The following CNTLN variants were observed in gnomAD, a reference collection of about 807,000 sequenced individuals.
The protein encoded by CNTLN is centlein, centrosomal protein.
In CNTLN, 212 loss-of-function variants were observed where a neutral mutation model predicts 180.0. The ratio of observed to expected loss-of-function variants is 1.18; its 90% CI spans 1.05 to 1.32. The LOEUF (loss-of-function observed/expected upper bound fraction) is 1.32, where lower values mean the gene tolerates loss of function less well. Ranked by LOEUF, CNTLN falls within the 40% of genes most tolerant of loss-of-function variation. The probability of loss-of-function intolerance (pLI) is 0.00; values close to 1 mark genes in which losing one functional copy is unlikely to be tolerated. For missense variants in CNTLN, 2,095 were observed against 1,610.9 expected, an observed-to-expected ratio of 1.30 and a Z score of -5.14; for synonymous variants, 722 against 563.1, an observed-to-expected ratio of 1.28 and a Z score of -3.99.
At position 17,430,976 on chromosome 9, in the gene CNTLN, C is replaced by T. The variant is rs189159352; in HGVS notation, c.3114+14787C>T. ...TGTTGTTGGATAACTAGATTGATTC[C>T]GTGTCTTGGCTGTTGTGAATAATGC... On this transcript the variant is annotated intron_variant, in intron 18 of 25. Transcript: ENST00000380647. Among the ~76,000 whole-genome samples the T allele has an allele frequency of 1.1e-3, 169 of 152,100 alleles. 2 individuals are homozygous for T. The highest frequency in any genetic ancestry group is 3.8e-3 in the Admixed American group (58 of 15,284).
chr9:17,160,812 T>G (rs774628420), intron 2 of CNTLN, among the ~76,000 whole-genome samples: 54 of 152,182 alleles, frequency 3.5e-4, no homozygotes, highest in Non-Finnish European at 6.5e-4. Context: ...ATACCTCATG[T>G]TGCAAAGTAA....
At chr9:17,230,332 C>G (rs533046091) in intron 3 of CNTLN, among the ~76,000 whole-genome samples, 1 of 152,228 alleles carries the variant, frequency 6.6e-6, no homozygotes, top group East Asian at 1.9e-4. Context: ...GCTATTTAAA[C>G]TGCTTTGTTT....
intron 5 of CNTLN, among the ~76,000 whole-genome samples, chr9:17,268,691 C>G (rs564683875): frequency 1.5e-4 from 23 of 152,270 alleles, no homozygotes; most frequent in South Asian, 6.2e-4. Context: ...GGGCTCCACC[C>G]AGTTCCAGCT....
Position 17,416,153 on chromosome 9 carries a change from C to A in CNTLN, c.3078C>A (p.Ser1026=). ...AGCTCCTCCATCAACAGCAAGTATCCGATCAACGATTTCAGACAAGCAGGC... is the reference window on the plus strand; with the variant it reads ...AGCTCCTCCATCAACAGCAAGTATCAGATCAACGATTTCAGACAAGCAGGC... ...NEKLLHQQQV[S]DQRFQTSRQT... Residue 1026 remains serine (S), a synonymous_variant, in exon 18 of 26, where the codon TCC becomes TCA. Coordinates refer to ENST00000380647, the MANE Select transcript of CNTLN (RefSeq NM_017738.4). 6.2e-7 allele frequency: 1 copy of A among 1,613,154 alleles called. No individual in the cohort carries two copies. The highest frequency in any genetic ancestry group is 8.5e-7 in the Non-Finnish European group (1 of 1,179,598).
At chr9:17,321,245 G>A (rs1819888276) in intron 8 of CNTLN, among the ~76,000 whole-genome samples, 1 of 152,152 alleles carries the variant, frequency 6.6e-6, no homozygotes, top group Non-Finnish European at 1.5e-5. Context: ...ATACTTTCTA[G>A]ACCTTGTAGA....
the CNTLN span, among the ~76,000 whole-genome samples, chr9:17,513,527 CTGTACAAAAAA>C: frequency 1.3e-5 from 2 of 151,986 alleles, no homozygotes; most frequent in Non-Finnish European, 2.9e-5. Flanking sequence ...GAAACCCCTT[CTGTACAAAAAA>C]TACAAAAAAC....
At chr9:17,169,707 C>T (rs771590710) in intron 2 of CNTLN, among the ~76,000 whole-genome samples, 44 of 151,828 alleles carry the variant, frequency 2.9e-4, no homozygotes, top group African/African-American at 4.6e-4. Flanking sequence ...GCTAGTTGAC[C>T]ATTTGTGTAT....
At chr9:17,465,090 G>A (rs149857554) in intron 21 of CNTLN, among the ~76,000 whole-genome samples, 214 of 149,740 alleles carry the variant, frequency 1.4e-3, no homozygotes, top group African/African-American at 4.4e-3. Flanking sequence ...AAGTAGTTAC[G>A]TAATATATGA....
At position 17,337,321 on chromosome 9, in the gene CNTLN, CCATTTGTCAATTTT is replaced by C. The variant is rs532551351; in HGVS notation, c.1645-3505_1645-3492del. ...AAAAGCTCTTTAGTTTTATTAGATC[CCATTTGTCAATTTT>C]GGCTTTTGTTGCCATTGCTTTTGGT... On this transcript the variant is annotated intron_variant, in intron 10 of 25. Transcript: ENST00000380647. 8.5e-3 allele frequency among the ~76,000 whole-genome samples: 1,286 copies of C among 152,148 alleles called. 9 individuals are homozygous for C. The highest frequency in any genetic ancestry group is 0.029 in the African/African-American group (1,222 of 41,510).
At chr9:17,324,502 T>G (rs545888843) in intron 8 of CNTLN, among the ~76,000 whole-genome samples, 1 of 152,186 alleles carries the variant, frequency 6.6e-6, no homozygotes, top group African/African-American at 2.4e-5. Context: ...TGTGGAGTTA[T>G]TCTAAACCCT....
chr9:17,450,104 C>T (rs7026207), intron 18 of CNTLN, among the ~76,000 whole-genome samples: 6,621 of 152,214 alleles, frequency 0.043, 488 homozygotes, highest in African/African-American at 0.15. Flanking sequence ...TATCCATATG[C>T]AGATATCCAT....
intron 5 of CNTLN, among the ~76,000 whole-genome samples, chr9:17,261,295 C>G (rs113948804): frequency 6.6e-6 from 1 of 151,426 alleles, no homozygotes. Context: ...TTGATTCTTC[C>G]AATCCATGAG....
chr9:17,324,394 AAG>A (rs1467811962), intron 8 of CNTLN, among the ~76,000 whole-genome samples: 1 of 152,202 alleles, frequency 6.6e-6, no homozygotes, highest in Non-Finnish European at 1.5e-5. Context: ...TTAAGATAAA[AAG>A]AAATTTATAG....
chr9:17,334,910 TAAAAAAAAAAAAA>T, intron 10 of CNTLN, among the ~76,000 whole-genome samples: 1 of 122,590 alleles, frequency 8.2e-6, no homozygotes, highest in Middle Eastern at 4.5e-3. Context: ...AATCTAAAAT[TAAAAAAAAAAAAA>T]AAAAAAAAGA....
intron 15 of CNTLN, among the ~76,000 whole-genome samples, chr9:17,400,514 T>C (rs1452155364): frequency 6.6e-6 from 1 of 152,184 alleles, no homozygotes; most frequent in Non-Finnish European, 1.5e-5. Context: ...GTTCAAATCC[T>C]AACTCTCATC....
intron 2 of CNTLN, among the ~76,000 whole-genome samples, chr9:17,183,975 TA>T (rs981986663): frequency 9.2e-5 from 14 of 152,224 alleles, no homozygotes; most frequent in African/African-American, 3.4e-4. Flanking sequence ...AAGTGTAAAG[TA>T]AGTAATTTCT....
chr9:17,141,880 G>A (rs1019418181), intron 1 of CNTLN, among the ~76,000 whole-genome samples: 5 of 151,894 alleles, frequency 3.3e-5, no homozygotes, highest in Non-Finnish European at 5.9e-5. Flanking sequence ...TCAGGAGTTC[G>A]AGACCAGCCT....
intron 20 of CNTLN, among the ~76,000 whole-genome samples, 198 bp from the exon 21 acceptor site, chr9:17,464,299 C>A (rs1831617732): frequency 6.6e-6 from 1 of 151,112 alleles, no homozygotes; most frequent in Admixed American, 6.6e-5. Context: ...TACCAAGTCA[C>A]AACTATAGAT....
At position 17,277,290 on chromosome 9, in the gene CNTLN, C is replaced by T. The variant is rs181728057; in HGVS notation, c.983+3424C>T. On this transcript the variant is annotated intron_variant, in intron 6 of 25. Transcript: ENST00000380647. ...GGGGTAGATGGGGTAGAACCATTAC[C>T]TAATGGTTCTACAATTGAGATGAGA... Among the ~76,000 whole-genome samples, 10 of 75,552 alleles carry T rather than the reference C, an allele frequency of 1.3e-4. 3 individuals carry two copies. Among genetic ancestry groups the T allele is most frequent in the Non-Finnish European group, 2.8e-4 (10 of 36,148 alleles). 49.6% of individuals were successfully genotyped at this position (75,552 alleles called of 152,430 possible).
Sources: gnomAD v4.1 joint callset for allele counts (sites outside exome capture counted in the v4.1 genomes callset) on GRCh38, gnomAD v4.1.1 for gene constraint, MANE v1.5 for transcripts, NCBI Gene and HGNC (gene_info 2026-07-23, HGNC 2026-07-21) for gene names.